The following NF1 variants were observed in gnomAD, a reference collection of about 807,000 sequenced individuals.
NF1 encodes the protein neurofibromin.
In NF1, 122 loss-of-function variants were observed where a neutral mutation model predicts 325.7. The ratio of observed to expected loss-of-function variants is 0.37; its 90% CI spans 0.32 to 0.44. NF1 has a LOEUF of 0.44. Ranked by LOEUF, NF1 falls within the 20% of genes least tolerant of loss-of-function variation. The pLI is 1.00. For missense variants in NF1, 2,140 were observed against 3,415.4 expected, an observed-to-expected ratio of 0.63 and a Z score of 9.31; for synonymous variants, 1,091 against 1,186.0, an observed-to-expected ratio of 0.92 and a Z score of 1.65.
chr17:31,374,063 A>G lies in NF1; in HGVS notation c.8428A>G (p.Ser2810Gly), dbSNP rs1597883071. ...CTCCCCTACCACTGGCCACTGTAAC[A>G]GTGGACGAACTCGCCACGGATCCGC... ...ELSPTTGHCN[S>G]GRTRHGSASQ... Residue 2810 changes from serine to glycine, a missense_variant, in exon 58 of 58, where the codon AGT becomes GGT. By Grantham distance (56) the Ser-to-Gly change is moderately conservative (BLOSUM62 0). Coordinates refer to ENST00000358273, the MANE Select transcript of NF1 (RefSeq NM_001042492.3). 1.2e-6 allele frequency: 2 copies of G among 1,614,114 alleles called. No individual in the cohort carries two copies. Among genetic ancestry groups the G allele is most frequent in the Non-Finnish European group, 1.7e-6 (2 of 1,179,976 alleles).
chr17:31,181,907 C>G (rs2143781088), intron 7 of NF1, 122 bp downstream of exon 7: 1 of 717,524 alleles, frequency 1.4e-6, no homozygotes, highest in East Asian at 2.5e-5. Context: ...CTTCTATTGT[C>G]AACTGGTGTC....
At chr17:31,208,568 G>A (rs1244355332) in intron 12 of NF1, among the ~76,000 whole-genome samples, 1 of 151,936 alleles carries the variant, frequency 6.6e-6, no homozygotes, top group Non-Finnish European at 1.5e-5. Flanking sequence ...CAAGCAAAAG[G>A]TTTATAGCTT....
chr17:31,167,468 C>T (rs1168730642), intron 4 of NF1, among the ~76,000 whole-genome samples: 1 of 152,130 alleles, frequency 6.6e-6, no homozygotes, highest in Non-Finnish European at 1.5e-5. Context: ...ATTAATAACT[C>T]CTTTGCAAAT....
Position 31,336,998 on chromosome 17 carries a change from GT to G in NF1, c.6427+87del, listed in dbSNP as rs1169304010. On this transcript the variant is annotated intron_variant, in intron 42 of 57. Coordinates refer to ENST00000358273, the MANE Select transcript of NF1 (RefSeq NM_001042492.3). This position sits in a 1 kb window ranked among gnomAD's most constrained non-coding sequence, Gnocchi z 5.5. ...GATCAATATAGATTATCTTATTTAT[GT>G]TTGTGCTCTAACACCAAGTTGCTAA... The G allele has an allele frequency of 1.4e-6, 2 of 1,441,960 alleles. No homozygotes were observed. Among genetic ancestry groups the G allele is most frequent in the African/African-American group, 2.8e-5 (2 of 71,468 alleles). 89.3% of individuals were successfully genotyped at this position (1,441,960 alleles called of 1,614,324 possible).
chr17:31,175,345 C>CTTTTTTTTTTTT (rs869113407), intron 5 of NF1, among the ~76,000 whole-genome samples: 2 of 71,340 alleles, frequency 2.8e-5, no homozygotes, highest in Non-Finnish European at 4.9e-5. Context: ...TGTGCTTTTG[C>CTTTTTTTTTTTT]TTTTTTTTTT....
At chr17:31,213,355 A>G (rs2066762448) in intron 12 of NF1, among the ~76,000 whole-genome samples, 1 of 152,176 alleles carries the variant, frequency 6.6e-6, no homozygotes, top group Non-Finnish European at 1.5e-5. Flanking sequence ...TCTTCCCCGC[A>G]AGGACTAAAA....
At chr17:31,215,282 G>C (rs2066801340) in intron 13 of NF1, among the ~76,000 whole-genome samples, 1 of 152,080 alleles carries the variant, frequency 6.6e-6, no homozygotes, top group African/African-American at 2.4e-5. Flanking sequence ...TGCCTGGCTA[G>C]TAGTCAGTTA....
At chr17:31,249,479 G>A (rs573151505) in intron 30 of NF1, among the ~76,000 whole-genome samples, 108 of 152,042 alleles carry the variant, frequency 7.1e-4, no homozygotes, top group Non-Finnish European at 1.1e-3. Context: ...CAGTTGAGGC[G>A]GGTCTCCTCC....
chr17:31,095,182 T>A lies in NF1; in HGVS notation c.-128T>A. On this transcript the variant is annotated 5_prime_UTR_variant, in exon 1 of 58. Coordinates refer to ENST00000358273, the MANE Select transcript of NF1 (RefSeq NM_001042492.3). Reference sequence around the variant, plus strand: ...CCCATCCCCACCCCCGTGGGAACACTGGGAGCCTGCACTCCACAGACCCTC... The same window carrying A: ...CCCATCCCCACCCCCGTGGGAACACAGGGAGCCTGCACTCCACAGACCCTC... 2 of 661,810 alleles carry A rather than the reference T, an allele frequency of 3.0e-6. No individual in the cohort carries two copies. The highest frequency in any genetic ancestry group is 5.2e-6 in the Non-Finnish European group (2 of 384,010). The allele number at this position is 661,810 out of a possible 1,614,324, so 41.0% of individuals were successfully genotyped here.
At chr17:31,349,286 A>G (rs2151573101) in intron 49 of NF1, 35 bp downstream of exon 49, 1 of 1,601,664 alleles carries the variant, frequency 6.2e-7, no homozygotes, top group Admixed American at 1.7e-5. Flanking sequence ...TAATCTTGCT[A>G]CATCTATATA....
chr17:31,322,039 A>G (rs528030517), intron 36 of NF1, among the ~76,000 whole-genome samples: 10 of 152,242 alleles, frequency 6.6e-5, no homozygotes, highest in South Asian at 2.1e-4. Flanking sequence ...GAAAATATCT[A>G]GTAAACTTAG....
At chr17:31,105,810 G>C (rs1291349202) in intron 1 of NF1, among the ~76,000 whole-genome samples, 1 of 152,112 alleles carries the variant, frequency 6.6e-6, no homozygotes, top group Non-Finnish European at 1.5e-5. Context: ...CACCGTGCCC[G>C]GCTGAGAACT....
intron 36 of NF1, chr17:31,294,860 G>GAAC: frequency 1.0e-6 from 1 of 1,004,290 alleles, no homozygotes; most frequent in Non-Finnish European, 1.5e-6. Flanking sequence ...TTTAAGACAA[G>GAAC]TTACTTCATT....
At chr17:31,171,336 T>C (rs2065923949) in intron 5 of NF1, among the ~76,000 whole-genome samples, 1 of 152,226 alleles carries the variant, frequency 6.6e-6, no homozygotes, top group Non-Finnish European at 1.5e-5. Context: ...TGCAAGATTT[T>C]GATATCTATT....
intron 8 of NF1, among the ~76,000 whole-genome samples, chr17:31,191,301 C>A (rs1597670160): frequency 6.6e-6 from 1 of 152,070 alleles, no homozygotes; most frequent in Non-Finnish European, 1.5e-5. Context: ...AAAAATCACA[C>A]AAAGGCATAT....
chr17:31,101,753 T>TCTG lies in NF1; in HGVS notation c.60+6387_60+6389dup, dbSNP rs552609837. Reference sequence around the variant, plus strand: ...CCCATGAGGTTGTTTCAGACTAAACTCTGCTATCTCACTTCTTGGTATCCT... The same window carrying TCTG: ...CCCATGAGGTTGTTTCAGACTAAACTCTGCTGCTATCTCACTTCTTGGTATCCT... On this transcript the variant is annotated intron_variant, in intron 1 of 57. Transcript: ENST00000358273. 1.5e-3 allele frequency among the ~76,000 whole-genome samples: 234 copies of TCTG among 152,302 alleles called. 1 individual carries two copies. The highest frequency in any genetic ancestry group is 5.5e-3 in the African/African-American group (227 of 41,570).
At chr17:31,255,419 G>GA (rs932271482) in intron 31 of NF1, among the ~76,000 whole-genome samples, 46 of 148,592 alleles carry the variant, frequency 3.1e-4, no homozygotes, top group Middle Eastern at 3.5e-3. Context: ...AGTGGTGAAT[G>GA]AAAAAAAAAC....
At chr17:31,350,352 C>G (rs2151574793) in intron 50 of NF1, 34 bp downstream of exon 50, 1 of 1,593,618 alleles carries the variant, frequency 6.3e-7, no homozygotes, top group Non-Finnish European at 8.6e-7. Flanking sequence ...ATTACATAAT[C>G]ATAATCAAGT....
chr17:31,215,019 A>G (rs535510442), intron 13 of NF1, among the ~76,000 whole-genome samples: 2 of 152,262 alleles, frequency 1.3e-5, no homozygotes, highest in East Asian at 3.9e-4. Context: ...TCTTTGTGTT[A>G]TCAGCTTTCT....
Sources: allele counts gnomAD v4.1 joint callset (sites outside exome capture counted in the v4.1 genomes callset), GRCh38; gene constraint gnomAD v4.1.1; non-coding constraint Gnocchi (gnomAD v3.1); transcripts MANE v1.5; gene names NCBI Gene and HGNC (gene_info 2026-07-23, HGNC 2026-07-21).